TRMT11: variants seen among roughly 807,000 people sequenced by gnomAD.
TRMT11 encodes the protein tRNA methyltransferase 11.
Under a neutral mutation model 62.8 loss-of-function variants are expected in TRMT11, and 53 were observed. That is an observed-to-expected ratio of 0.84 (90% CI 0.68 to 1.06). The LOEUF is 1.06. TRMT11 is among the 50% of genes least tolerant of loss of function. TRMT11 has a pLI of 0.00. For synonymous variants in TRMT11, 188 were observed against 190.3 expected (o/e 0.99, Z 0.10); for missense variants, 556 against 553.4 (o/e 1.00, Z -0.05).
At chr6:126,171,100 T>C (rs1265330592) in intron 21 of TRMT11, among the ~76,000 whole-genome samples, 1 of 152,140 alleles carries the variant, frequency 6.6e-6, no homozygotes, top group Non-Finnish European at 1.5e-5. Flanking sequence ...GTAATTACTA[T>C]GGAAAGAGGA....
chr6:125,986,593 G>A lies in TRMT11; in HGVS notation c.43G>A (p.Ala15Thr), dbSNP rs150497465. The change falls in exon 1 of 13, where the codon GCG (alanine) becomes ACG (threonine). Residue 15 changes from alanine to threonine, a missense_variant. Physicochemically the swap from Ala to Thr is moderately conservative, Grantham distance 58. Coordinates refer to ENST00000334379, the MANE Select transcript of TRMT11 (RefSeq NM_001031712.3). ...CCTTAACAGGTATCTGCTCCTCATGGCGCAGGAGCATCTGGAGTTCCGCCT... is the reference window on the plus strand; with the variant it reads ...CCTTAACAGGTATCTGCTCCTCATGACGCAGGAGCATCTGGAGTTCCGCCT... ...CTLNRYLLLM[A>T]QEHLEFRLPE... is the part of the protein sequence containing the mutation. 1 of 1,586,672 alleles carries A rather than the reference G, an allele frequency of 6.3e-7. No individual in the cohort carries two copies. The highest frequency in any genetic ancestry group is 1.2e-5 in the South Asian group (1 of 86,946).
Position 126,142,576 on chromosome 6 carries a change from G to C in TRMT11, c.*1823+26721G>C, listed in dbSNP as rs73773373. On this transcript the variant is annotated intron_variant and NMD_transcript_variant, in intron 21 of 22. Transcript: ENST00000648977. ...ATTTGAGCTGTGCTATATTTTAGCT[G>C]TATTAATTTGATGAAGGCACTCACA... Among the ~76,000 whole-genome samples, 955 of 152,166 alleles carry C rather than the reference G, an allele frequency of 6.3e-3. 8 individuals are homozygous for C. Among genetic ancestry groups the C allele is most frequent in the African/African-American group, 0.021 (891 of 41,546 alleles).
chr6:126,121,854 C>G (rs113109302), intron 21 of TRMT11, among the ~76,000 whole-genome samples: 2 of 152,022 alleles, frequency 1.3e-5, no homozygotes, highest in East Asian at 1.9e-4. Flanking sequence ...AACCACCCCC[C>G]ACTCCGCCAC....
chr6:125,998,324 AT>A lies in TRMT11; in HGVS notation c.387+12del. 3 of 1,558,726 alleles carry A rather than the reference AT, an allele frequency of 1.9e-6. No homozygotes were observed. The highest frequency in any genetic ancestry group is 2.6e-6 in the Non-Finnish European group (3 of 1,137,298). ...AAATCAAGCGAATAGATGTAAGTAA[AT>A]TTAGCAAAACAAAAAACCTACATGA... On this transcript the variant is annotated intron_variant, in intron 5 of 12. Coordinates refer to ENST00000334379, the MANE Select transcript of TRMT11 (RefSeq NM_001031712.3).
intron 2 of TRMT11, among the ~76,000 whole-genome samples, chr6:125,995,227 G>A (rs1458906308): frequency 6.6e-6 from 1 of 152,162 alleles, no homozygotes; most frequent in Non-Finnish European, 1.5e-5. Context: ...CTGTAGTGTT[G>A]GACTTTTATT....
intron 1 of TRMT11, among the ~76,000 whole-genome samples, chr6:125,989,200 C>G (rs1351435900): frequency 6.9e-6 from 1 of 144,618 alleles, no homozygotes; most frequent in Admixed American, 7.3e-5. Flanking sequence ...GCGGTCTCGG[C>G]TCACTGCAAG....
chr6:126,000,010 C>T (rs1348899274), intron 7 of TRMT11, among the ~76,000 whole-genome samples: 2 of 152,150 alleles, frequency 1.3e-5, no homozygotes, highest in Non-Finnish European at 2.9e-5. Context: ...TGTACTCATA[C>T]AGTTTAAATT....
chr6:126,123,387 G>A (rs1037598536), intron 21 of TRMT11, among the ~76,000 whole-genome samples: 10 of 152,046 alleles, frequency 6.6e-5, no homozygotes, highest in Admixed American at 2.6e-4. Context: ...AACACAGTGC[G>A]CTGAAAAAGT....
chr6:126,012,853 G>A lies in TRMT11; in HGVS notation c.1007+1G>A, dbSNP rs1562263335. The A allele has an allele frequency of 2.5e-6, 4 of 1,613,162 alleles. No individual in the cohort carries two copies. Among genetic ancestry groups the A allele is most frequent in the South Asian group, 1.1e-5 (1 of 91,048 alleles). On this transcript the variant is annotated splice_donor_variant, in intron 10 of 12. Transcript: ENST00000334379. LOFTEE classifies it high-confidence loss of function. ...AGGGGATAGAAAAATGGGAAAAATG[G>A]TAAGTGAAATTTAAATATGATGTGT...
At chr6:126,259,585 G>A in the TRMT11 span, among the ~76,000 whole-genome samples, 38 of 152,284 alleles carry the variant, frequency 2.5e-4, no homozygotes, top group Middle Eastern at 3.4e-3. Flanking sequence ...TGCAATGAAC[G>A]TATGTGTGCA....
chr6:126,030,946 G>A (rs1774082272), intron 12 of TRMT11, among the ~76,000 whole-genome samples: 1 of 152,130 alleles, frequency 6.6e-6, no homozygotes, highest in African/African-American at 2.4e-5. Flanking sequence ...TGGCAATGAA[G>A]GGACACCAGG....
chr6:126,170,030 T>A (rs1256676797), intron 21 of TRMT11, among the ~76,000 whole-genome samples: 1 of 152,172 alleles, frequency 6.6e-6, no homozygotes. Context: ...CATTAGATTT[T>A]TCTTTTTGTT....
the TRMT11 span, among the ~76,000 whole-genome samples, chr6:126,240,027 C>T: frequency 1.6e-4 from 24 of 152,250 alleles, no homozygotes; most frequent in African/African-American, 5.5e-4. Context: ...GCATTTGTCA[C>T]GTAGTTCTCA....
At chr6:126,059,544 A>G (rs1351904928) in intron 17 of TRMT11, among the ~76,000 whole-genome samples, 5 of 152,200 alleles carry the variant, frequency 3.3e-5, no homozygotes. Flanking sequence ...CATTACTAGT[A>G]TATGCTAAGT....
intron 17 of TRMT11, among the ~76,000 whole-genome samples, chr6:126,097,044 C>G (rs1164853960): frequency 6.6e-6 from 1 of 152,128 alleles, no homozygotes; most frequent in Non-Finnish European, 1.5e-5. Flanking sequence ...TCAGACTATT[C>G]TAGATTGCAG....
intron 16 of TRMT11, among the ~76,000 whole-genome samples, chr6:126,050,910 A>G: frequency 6.6e-6 from 1 of 152,210 alleles, no homozygotes; most frequent in East Asian, 1.9e-4. Flanking sequence ...ATTAGAAATG[A>G]TAATCCCTAC....
At chr6:126,102,031 A>G (rs1033989413) in intron 17 of TRMT11, among the ~76,000 whole-genome samples, 1 of 152,186 alleles carries the variant, frequency 6.6e-6, no homozygotes, top group Non-Finnish European at 1.5e-5. Context: ...ATGCCGATAG[A>G]TGTAGTGCGT....
chr6:126,179,306 C>T lies in TRMT11; in HGVS notation n.143+1971C>T, dbSNP rs925962389. Among the ~76,000 whole-genome samples the T allele has an allele frequency of 2.0e-5, 3 of 152,110 alleles. No homozygotes were observed. The South Asian group carries it at 6.2e-4, about 32-fold the overall frequency. ...TGCTCCTCTGCTGTGGTCCCTGCTT[C>T]CATTCTCTTTATCTATGTGGGTTCA... is the stretch of plus-strand genomic sequence containing the variant. On this transcript the variant is annotated intron_variant and non_coding_transcript_variant, in intron 1 of 3. Transcript: ENST00000444229.
downstream of TRMT11, among the ~76,000 whole-genome samples, chr6:126,204,729 C>T (rs1365791654): frequency 6.6e-6 from 1 of 151,684 alleles, no homozygotes; most frequent in Admixed American, 6.6e-5. Flanking sequence ...TTCTTTGTGT[C>T]TATCTGAGAC....
Sources: allele counts gnomAD v4.1 joint callset (sites outside exome capture counted in the v4.1 genomes callset), GRCh38; gene constraint gnomAD v4.1.1; transcripts MANE v1.5; gene names NCBI Gene and HGNC (gene_info 2026-07-23, HGNC 2026-07-21).